Variants in PCSK1 observed in about 807,000 individuals in gnomAD.
The protein encoded by PCSK1 is neuroendocrine convertase 1.
A neutral mutation model predicts 90.6 loss-of-function variants in PCSK1; 56 were observed. The observed-to-expected ratio is 0.62, with a 90% CI of 0.50 to 0.77. The LOEUF is 0.77. PCSK1 is among the 30% of genes least tolerant of loss of function. The pLI, the probability that PCSK1 is intolerant of heterozygous loss-of-function variation, is 0.00. For missense variants in PCSK1, 801 were observed against 932.6 expected, an observed-to-expected ratio of 0.86 and a Z score of 1.84; for synonymous variants, 348 against 342.4, an observed-to-expected ratio of 1.02 and a Z score of -0.18.
chr5:96,393,662 A>G (rs1760034017), intron 13 of PCSK1, among the ~76,000 whole-genome samples: 3 of 152,218 alleles, frequency 2.0e-5, no homozygotes, highest in Admixed American at 1.3e-4. Context: ...GAGACTGTAT[A>G]GGTAAGTACT....
intron 2 of PCSK1, among the ~76,000 whole-genome samples, chr5:96,426,680 A>G (rs147935073): frequency 1.6e-4 from 24 of 152,304 alleles, no homozygotes; most frequent in African/African-American, 5.8e-4. Flanking sequence ...AGATAATTCT[A>G]TACTCTTATT....
rs1759957167 is a variant in PCSK1, at chr5:96,391,916, T to C, written c.*1085A>G. The C allele has an allele frequency of 6.6e-6, 1 of 152,208 alleles. No homozygotes were observed. Among genetic ancestry groups the C allele is most frequent in the African/African-American group, 2.4e-5 (1 of 41,448 alleles). 9.4% of individuals were successfully genotyped at this position (152,208 alleles called of 1,614,324 possible). The stretch of plus-strand genomic sequence containing the variant: ...CTTCTGATTTGAAGCTTAGGAGCAA[T>C]TTGGTGAGAATTTGGACACTATCAG... On this transcript the variant is annotated 3_prime_UTR_variant, in exon 14 of 14. Transcript: ENST00000311106.
chr5:96,419,113 C>T (rs1761029976), intron 5 of PCSK1, among the ~76,000 whole-genome samples: 1 of 151,694 alleles, frequency 6.6e-6, no homozygotes, highest in Admixed American at 6.6e-5. Flanking sequence ...CACACATATA[C>T]ATATATGGCT....
chr5:96,408,216 G>A lies in PCSK1; in HGVS notation c.1196+7C>T, dbSNP rs1308312661. 6 of 1,603,376 alleles carry A rather than the reference G, an allele frequency of 3.7e-6. No homozygotes were observed. The highest frequency in any genetic ancestry group is 5.1e-6 in the Non-Finnish European group (6 of 1,170,376). ...GTAAAGGTGATTAGAAGCTTTCTGG[G>A]CCTTACTTTGCTTCCAGGGCCAGAG... On this transcript the variant is annotated splice_region_variant and intron_variant, in intron 9 of 13. Coordinates refer to ENST00000311106, the MANE Select transcript of PCSK1 (RefSeq NM_000439.5).
At chr5:96,397,253 A>G in intron 12 of PCSK1, 83 bp downstream of exon 12, 2 of 1,222,074 alleles carry the variant, frequency 1.6e-6, no homozygotes, top group Non-Finnish European at 2.4e-6. Flanking sequence ...TAGGGCCCTA[A>G]TTAATGATGA....
At chr5:96,397,218 T>A in intron 12 of PCSK1, 118 bp downstream of exon 12, 2 of 860,550 alleles carry the variant, frequency 2.3e-6, no homozygotes, top group Non-Finnish European at 3.8e-6. Context: ...TTCCCTTACT[T>A]CTACTAAGAA....
At chr5:96,415,002 T>C (rs1407447054) in intron 6 of PCSK1, among the ~76,000 whole-genome samples, 1 of 152,266 alleles carries the variant, frequency 6.6e-6, no homozygotes, top group Non-Finnish European at 1.5e-5. Context: ...TAATGGGGTT[T>C]TATTGTAATT....
At chr5:96,421,994 A>T (rs79861520) in intron 4 of PCSK1, 38 bp from the exon 5 acceptor site, 3 of 23,364 alleles carry the variant, frequency 1.3e-4, no homozygotes, top group Admixed American at 2.3e-4. Context: ...TGGCAGCATT[A>T]AAAAAAAAAA....
At chr5:96,428,847 T>C (rs187421427) in intron 2 of PCSK1, among the ~76,000 whole-genome samples, 1 of 152,312 alleles carries the variant, frequency 6.6e-6, no homozygotes, top group East Asian at 1.9e-4. Context: ...TAAAAGGTTG[T>C]TGATTGACTG....
At chr5:96,419,447 C>A (rs6862073) in intron 5 of PCSK1, among the ~76,000 whole-genome samples, 8,974 of 148,150 alleles carry the variant, frequency 0.061, 490 homozygotes, top group African/African-American at 0.15. Flanking sequence ...CTCTCTCTCT[C>A]TATATATATA....
chr5:96,393,276 G>A lies in PCSK1; in HGVS notation c.1987C>T (p.Pro663Ser). 6.2e-7 allele frequency: 1 copy of A among 1,613,904 alleles called. No individual in the cohort carries two copies. The highest frequency in any genetic ancestry group is 1.1e-5 in the South Asian group (1 of 91,068). ...GRRDELEEGA[P>S]SQAMLRLLQS... is the part of the protein sequence containing the mutation. ...AGGAGTCGCAGCATGGCCTGGGAAG[G>A]GGCTCCCTCCTCCAACTCATCCCTC... Residue 663 changes from proline to serine, a missense_variant, in exon 14 of 14, where the codon CCT (proline) becomes TCT (serine). Pro to Ser is a moderately conservative substitution (Grantham distance 74). Coordinates refer to ENST00000311106, the MANE Select transcript of PCSK1 (RefSeq NM_000439.5).
intron 2 of PCSK1, 60 bp from the exon 3 acceptor site, chr5:96,425,990 TCTAA>T: frequency 2.2e-6 from 2 of 906,544 alleles, no homozygotes; most frequent in East Asian, 4.9e-5. Context: ...GTATACTTCC[TCTAA>T]CTATCTCCAG....
rs770942032 is a variant in PCSK1, at chr5:96,429,195, CA to C, written c.285+17del. ...ATAAGCTAGAGTATTGGTTTGAAGA[CA>C]AATGTACAACACTTACACGATCATC... On this transcript the variant is annotated intron_variant, in intron 2 of 13. Coordinates refer to ENST00000311106, the MANE Select transcript of PCSK1 (RefSeq NM_000439.5). 8.1e-7 allele frequency: 1 copy of C among 1,235,450 alleles called. No individual in the cohort carries two copies. The highest frequency in any genetic ancestry group is 2.3e-5 in the East Asian group (1 of 42,954). 76.5% of individuals were successfully genotyped at this position (1,235,450 alleles called of 1,614,324 possible).
At chr5:96,414,982 A>G (rs1414563113) in intron 6 of PCSK1, among the ~76,000 whole-genome samples, 1 of 152,238 alleles carries the variant, frequency 6.6e-6, no homozygotes, top group East Asian at 1.9e-4. Flanking sequence ...AGGTATACTC[A>G]TGTAGAGTTT....
At chr5:96,403,364 G>A (rs1020313174) in intron 9 of PCSK1, among the ~76,000 whole-genome samples, 10 of 152,132 alleles carry the variant, frequency 6.6e-5, no homozygotes, top group South Asian at 4.1e-4. Flanking sequence ...TGCTGCACCC[G>A]TTAACTCGTC....
chr5:96,415,696 A>G lies in PCSK1; in HGVS notation c.709+337T>C, dbSNP rs538707067. On this transcript the variant is annotated intron_variant, in intron 6 of 13. Transcript: ENST00000311106. The stretch of plus-strand genomic sequence containing the variant: ...TGAGAGGCAGGAAAAGTCTTTGCCT[A>G]AATTTACCTCCTCCTTCTGTTTCCT... Among the ~76,000 whole-genome samples, 8 of 152,324 alleles carry G rather than the reference A, an allele frequency of 5.3e-5. No homozygotes were observed. The East Asian group carries it at 1.3e-3, about 26-fold the overall frequency.
At position 96,393,312 on chromosome 5, in the gene PCSK1, C is replaced by T. The variant is rs772483031; in HGVS notation, c.1951G>A (p.Val651Ile). The stretch of plus-strand genomic sequence containing the variant: ...TCCAACTCATCCCTCCGGCCCCCTA[C>T]GCTGCTGCTGCTGGGGCTTTTGGAC... ...LVSKSPSSSS[V>I]GGRRDELEEG... is the part of the protein sequence containing the mutation. Residue 651 changes from valine to isoleucine, a missense_variant, in exon 14 of 14, where the codon GTA (valine) becomes ATA (isoleucine). Val to Ile is a conservative substitution (Grantham distance 29). Transcript: ENST00000311106. 57 of 1,613,946 alleles carry T rather than the reference C, an allele frequency of 3.5e-5. No homozygotes were observed. The highest frequency in any genetic ancestry group is 4.2e-5 in the Non-Finnish European group (49 of 1,179,972).
chr5:96,391,328 C>A lies in PCSK1; in HGVS notation c.*1673G>T, dbSNP rs1319460561. ...GTTCTTTTCATGAACCAGTTCAATG[C>A]CATGAATTACCTTATGAAGTTCAAA... On this transcript the variant is annotated 3_prime_UTR_variant, in exon 14 of 14. Transcript: ENST00000311106. 2 of 152,264 alleles carry A rather than the reference C, an allele frequency of 1.3e-5. No homozygotes were observed. The highest frequency in any genetic ancestry group is 2.9e-5 in the Non-Finnish European group (2 of 68,018). 9.4% of individuals were successfully genotyped at this position (152,264 alleles called of 1,614,324 possible). A position where few individuals can be genotyped will look rare whatever the true frequency, so the allele number is the denominator to read the frequency against.
At chr5:96,414,896 A>C (rs1050577687) in intron 6 of PCSK1, among the ~76,000 whole-genome samples, 5 of 152,332 alleles carry the variant, frequency 3.3e-5, no homozygotes, top group Admixed American at 3.3e-4. Flanking sequence ...AGAGTGCCCT[A>C]TATTCATGAA....
Sources: allele counts gnomAD v4.1 joint callset (sites outside exome capture counted in the v4.1 genomes callset), GRCh38; gene constraint gnomAD v4.1.1; transcripts MANE v1.5; gene names NCBI Gene and HGNC (gene_info 2026-07-23, HGNC 2026-07-21).